The following IL9R variants were observed in gnomAD, a reference collection of about 807,000 sequenced individuals.
The protein encoded by IL9R is interleukin 9 receptor.
A neutral mutation model predicts 56.3 loss-of-function variants in IL9R; 54 were observed. The ratio of observed to expected loss-of-function variants is 0.96; its 90% CI spans 0.77 to 1.20. The LOEUF (loss-of-function observed/expected upper bound fraction) is 1.20, where lower values mean the gene tolerates loss of function less well. Ranked by LOEUF, IL9R falls within the 50% of genes most tolerant of loss-of-function variation. The pLI is 0.00. For missense variants in IL9R, 545 were observed against 629.8 expected, an observed-to-expected ratio of 0.87 and a Z score of 1.44; for synonymous variants, 212 against 250.2, an observed-to-expected ratio of 0.85 and a Z score of 1.44.
At chrX:156,004,100 A>C (rs1207937155) in intron 4 of IL9R, 9 of 604,896 alleles carry the variant, frequency 1.5e-5, no homozygotes, top group Non-Finnish European at 2.6e-5. Context: ...AGGGGCTGGC[A>C]CTTGAGTCAT....
intron 3 of IL9R, 37 bp from the exon 4 acceptor site, chrX:156,003,640 G>A: frequency 6.2e-7 from 1 of 1,612,142 alleles, no homozygotes; most frequent in Admixed American, 1.7e-5. Context: ...CCAGGACAGT[G>A]TAGCAGCCCC....
intron 8 of IL9R, among the ~76,000 whole-genome samples, chrX:156,008,869 CTGTGTGTGTGTG>C (rs1283159353): frequency 1.4e-5 from 2 of 147,902 alleles, no homozygotes; most frequent in South Asian, 4.6e-4. Context: ...GTGTGTGTGT[CTGTGTGTGTGTG>C]TGTGTGTGTT....
chrX:156,007,766 C>T lies in IL9R; in HGVS notation c.972+159C>T, dbSNP rs138806186. 3.3e-3 allele frequency: 2,304 copies of T among 698,318 alleles called. 22 individuals carry two copies. The African/African-American group carries it at 0.045, about 14-fold the overall frequency. 43.3% of individuals were successfully genotyped at this position (698,318 alleles called of 1,614,324 possible). On this transcript the variant is annotated intron_variant, in intron 8 of 8. Transcript: ENST00000244174. ...TATTCAGTGAATTTCAATTTATACGCGTATCTCAAATGGGGAAAAATTAGC... is the reference window on the plus strand; with the variant it reads ...TATTCAGTGAATTTCAATTTATACGTGTATCTCAAATGGGGAAAAATTAGC...
chrX:156,005,304 C>T lies in IL9R; in HGVS notation c.606C>T (p.Val202=), dbSNP rs375236599. The T allele has an allele frequency of 4.0e-5, 65 of 1,611,956 alleles. No individual in the cohort carries two copies. Among genetic ancestry groups the T allele is most frequent in the South Asian group, 1.8e-4 (16 of 90,996 alleles). Reference sequence around the variant, plus strand: ...AGGCCCAGCACAGGGATCACATTGTCGGGGTGACCTGGCTTATACTTGAAG... The same window carrying T: ...AGGCCCAGCACAGGGATCACATTGTTGGGGTGACCTGGCTTATACTTGAAG... ...WEQAQHRDHI[V]GVTWLILEAF... is the part of the protein sequence containing the mutation. The change falls in exon 6 of 9, where the codon GTC becomes GTT. Residue 202 remains valine, a synonymous_variant. Transcript: ENST00000244174.
Position 156,002,891 on chromosome X carries a change from C to G in IL9R, c.29-15C>G. The G allele has an allele frequency of 6.2e-7, 1 of 1,613,686 alleles. No individual in the cohort carries two copies. The highest frequency in any genetic ancestry group is 8.5e-7 in the Non-Finnish European group (1 of 1,179,862). On this transcript the variant is annotated splice_polypyrimidine_tract_variant and intron_variant, in intron 1 of 8. Transcript: ENST00000244174. ...GGGATGATTTGCACAGGGCCCTCAG[C>G]CCAGTCCCTTGCAGGCTGGACCTTG... is the stretch of plus-strand genomic sequence containing the variant.
chrX:156,004,773 C>G (rs1292511594), intron 5 of IL9R, among the ~76,000 whole-genome samples: 1 of 152,092 alleles, frequency 6.6e-6, no homozygotes, highest in Non-Finnish European at 1.5e-5. Flanking sequence ...GCCTGTGTCT[C>G]TGTGTGTGCA....
At chrX:156,008,839 A>T (rs1423098052) in intron 8 of IL9R, among the ~76,000 whole-genome samples, 1 of 151,832 alleles carries the variant, frequency 6.6e-6, no homozygotes, top group Non-Finnish European at 1.5e-5. Context: ...TTTGAAAGTC[A>T]CCAGTCCTGA....
intron 5 of IL9R, among the ~76,000 whole-genome samples, chrX:156,004,899 C>T (rs1034833519): frequency 6.6e-6 from 1 of 151,920 alleles, no homozygotes; most frequent in African/African-American, 2.4e-5. Context: ...TATGTGTGTG[C>T]CTGTGCCTTG....
At position 156,005,432 on chromosome X, in the gene IL9R, G is replaced by A. The variant is rs746173859; in HGVS notation, c.734G>A (p.Trp245Ter). 1.2e-6 allele frequency: 2 copies of A among 1,613,052 alleles called. No homozygotes were observed. Among genetic ancestry groups the A allele is most frequent in the Non-Finnish European group, 1.7e-6 (2 of 1,179,830 alleles). The change falls in exon 6 of 9, where the codon TGG becomes TAG. Residue 245 changes from tryptophan (W) to a stop codon, truncating the protein, a stop_gained. Coordinates refer to ENST00000244174, the MANE Select transcript of IL9R (RefSeq NM_002186.3). LOFTEE classifies it high-confidence loss of function. The stretch of plus-strand genomic sequence containing the variant: ...GAGGAGGAGCGTTATACAGGCCAGT[G>A]GAGTGAGTGGAGCCAGCCTGTGTGC... ...VVEEERYTGQ[W>*]SEWSQPVCFQ... is the part of the protein sequence containing the mutation.
chrX:155,997,914 C>G, intron 1 of IL9R, 127 bp downstream of exon 1: 1 of 862,608 alleles, frequency 1.2e-6, no homozygotes, highest in East Asian at 2.4e-5. Flanking sequence ...GCCACCCTAG[C>G]TTTACCTCCT....
Position 155,997,707 on chromosome X carries a change from A to C in IL9R, c.-53A>C. 1 of 1,592,754 alleles carries C rather than the reference A, an allele frequency of 6.3e-7. No homozygotes were observed. Among genetic ancestry groups the C allele is most frequent in the Non-Finnish European group, 8.6e-7 (1 of 1,160,618 alleles). On this transcript the variant is annotated 5_prime_UTR_variant, in exon 1 of 9. Coordinates refer to ENST00000244174, the MANE Select transcript of IL9R (RefSeq NM_002186.3). ...GGCTGAGGGTCTTTGCTGTGCACCC[A>C]GAGATAGTTGGGTGACAAATCACCT...
intron 4 of IL9R, among the ~76,000 whole-genome samples, 193 bp downstream of exon 4, chrX:156,004,048 G>T (rs1355504992): frequency 2.0e-5 from 3 of 152,166 alleles, no homozygotes; most frequent in Admixed American, 2.0e-4. Context: ...GCAGGGGCAG[G>T]GTTTTGGCAG....
intron 5 of IL9R, among the ~76,000 whole-genome samples, chrX:156,005,063 CAT>C (rs1230203635): frequency 7.2e-5 from 11 of 151,866 alleles, no homozygotes; most frequent in African/African-American, 1.5e-4. Context: ...CCTGTGTGTG[CAT>C]ATGTGTATTT....
intron 4 of IL9R, 64 bp downstream of exon 4, chrX:156,003,919 T>C (rs2067723209): frequency 6.4e-7 from 1 of 1,557,086 alleles, no homozygotes; most frequent in Non-Finnish European, 8.8e-7. Flanking sequence ...TGCTTGGGGG[T>C]TTGGAGCAGG....
intron 4 of IL9R, 39 bp downstream of exon 4, chrX:156,003,894 C>T (rs748543804): frequency 1.2e-6 from 2 of 1,605,402 alleles, no homozygotes; most frequent in East Asian, 2.2e-5. Flanking sequence ...GGCCGCTTGG[C>T]AAGAACATCC....
At chrX:156,003,939 C>T (rs1204300009) in intron 4 of IL9R, 84 bp downstream of exon 4, 1 of 1,383,144 alleles carries the variant, frequency 7.2e-7, no homozygotes. Flanking sequence ...GGCCTTGCAG[C>T]CTGTGAGTGG....
At chrX:156,006,974 T>C (rs886929879) in intron 7 of IL9R, among the ~76,000 whole-genome samples, 3 of 151,240 alleles carry the variant, frequency 2.0e-5, no homozygotes, top group Non-Finnish European at 4.4e-5. Context: ...TTGCAGGGTC[T>C]CATGAGGGGA....
At chrX:156,009,017 C>CTGTGTGTGTTTGTGTCTGTGTGTGTT (rs2068219734) in intron 8 of IL9R, among the ~76,000 whole-genome samples, 1 of 109,746 alleles carries the variant, frequency 9.1e-6, no homozygotes, top group Non-Finnish European at 1.9e-5. Flanking sequence ...GTGTGTGTCT[C>CTGTGTGTGTTTGTGTCTGTGTGTGTT]TGTGTGTGTG....
chrX:156,008,961 TTATGTGTGTGTGTC>T (rs2068203787), intron 8 of IL9R, among the ~76,000 whole-genome samples: 1 of 114,742 alleles, frequency 8.7e-6, no homozygotes, highest in Non-Finnish European at 1.8e-5. Flanking sequence ...GTGTGTGTGT[TTATGTGTGTGTGTC>T]TGTGTGTGTT....
Sources: allele counts gnomAD v4.1 joint callset (sites outside exome capture counted in the v4.1 genomes callset), GRCh38; gene constraint gnomAD v4.1.1; transcripts MANE v1.5; gene names NCBI Gene and HGNC (gene_info 2026-07-23, HGNC 2026-07-21).